Variants in MGRN1 observed in about 807,000 individuals in gnomAD.
MGRN1 encodes E3 ubiquitin-protein ligase MGRN1.
MGRN1 carries 29 observed loss-of-function variants against 69.2 expected under a neutral mutation model. That is an observed-to-expected ratio of 0.42 (90% CI 0.31 to 0.57). The LOEUF (loss-of-function observed/expected upper bound fraction) is 0.57. Among genes scored for constraint, MGRN1 ranks in the 20% least tolerant of loss-of-function variants. The probability of loss-of-function intolerance (pLI) is 0.15; values close to 1 mark genes in which losing one functional copy is unlikely to be tolerated. For synonymous variants in MGRN1, 470 were observed against 344.2 expected, an observed-to-expected ratio of 1.37 and a Z score of -4.04; for missense variants, 998 against 796.2, an observed-to-expected ratio of 1.25 and a Z score of -3.05.
intron 1 of MGRN1, among the ~76,000 whole-genome samples, chr16:4,629,126 G>A (rs1310716839): frequency 6.6e-6 from 1 of 150,376 alleles, no homozygotes; most frequent in Non-Finnish European, 1.5e-5. Context: ...GTGAGCCACT[G>A]CACCTGGCCT....
chr16:4,661,004 CA>C (rs1567205897), intron 5 of MGRN1, among the ~76,000 whole-genome samples: 1 of 152,100 alleles, frequency 6.6e-6, no homozygotes, highest in African/African-American at 2.4e-5. Flanking sequence ...TTTTTTGAGA[CA>C]GGGGCTCACT....
chr16:4,656,465 C>A (rs2078540385), intron 4 of MGRN1, among the ~76,000 whole-genome samples: 1 of 152,368 alleles, frequency 6.6e-6, no homozygotes, highest in South Asian at 2.1e-4. Flanking sequence ...CATTGTGCCT[C>A]CGCCTTCCGG....
intron 1 of MGRN1, among the ~76,000 whole-genome samples, chr16:4,625,969 AG>A (rs994877420): frequency 1.3e-5 from 2 of 152,206 alleles, no homozygotes; most frequent in African/African-American, 2.4e-5. Context: ...GGACACCCAC[AG>A]GCCAGATTTC....
chr16:4,628,764 C>T (rs1201806573), intron 1 of MGRN1, among the ~76,000 whole-genome samples: 1 of 152,170 alleles, frequency 6.6e-6, no homozygotes, highest in Non-Finnish European at 1.5e-5. Flanking sequence ...AGTCTGGTCT[C>T]GAGCTCCTGA....
At chr16:4,672,543 G>A (rs1000589303) in intron 9 of MGRN1, 1 of 439,876 alleles carries the variant, frequency 2.3e-6, no homozygotes, top group South Asian at 1.6e-5. Flanking sequence ...TTCATACCAG[G>A]GGGCGGCCCA....
At chr16:4,667,206 C>T (rs1275709284) in intron 7 of MGRN1, among the ~76,000 whole-genome samples, 1 of 152,228 alleles carries the variant, frequency 6.6e-6, no homozygotes, top group Non-Finnish European at 1.5e-5. Flanking sequence ...CAGCCGCAGC[C>T]CCTGAGAGCT....
intron 12 of MGRN1, 56 bp downstream of exon 12, chr16:4,680,153 C>T (rs1423971115): frequency 6.5e-7 from 1 of 1,545,812 alleles, no homozygotes; most frequent in East Asian, 2.3e-5. Context: ...TTTTTAAACC[C>T]ACGACAAGTA....
In MGRN1 at chr16:4,651,165, T is replaced by C. The variant is rs563165753; in HGVS notation, c.207+682T>C. 7.2e-5 allele frequency: 11 copies of C among 151,832 alleles called. No individual in the cohort carries two copies. The East Asian group carries it at 2.1e-3, about 29-fold the overall frequency. The allele number at this position is 151,832 out of a possible 1,614,324, so 9.4% of individuals were successfully genotyped here. A position where few individuals can be genotyped will look rare whatever the true frequency, so the allele number is the denominator to read the frequency against. On this transcript the variant is annotated intron_variant, in intron 2 of 16. Coordinates refer to ENST00000262370, the MANE Select transcript of MGRN1 (RefSeq NM_015246.4). ...CTAGAACAGTGGGCAAGAGACATGGTCCAAAGGAGAGATGCAGACAGCTGG... is the reference window on the plus strand; with the variant it reads ...CTAGAACAGTGGGCAAGAGACATGGCCCAAAGGAGAGATGCAGACAGCTGG...
At chr16:4,668,454 C>T (rs761111951) in intron 8 of MGRN1, 142 bp downstream of exon 8, 4 of 833,188 alleles carry the variant, frequency 4.8e-6, no homozygotes, top group Non-Finnish European at 5.7e-6. Flanking sequence ...TACACATTCA[C>T]TTGCACATAT....
chr16:4,672,254 C>G, intron 9 of MGRN1: 1 of 431,000 alleles, frequency 2.3e-6, no homozygotes, highest in Admixed American at 2.6e-5. Context: ...ACTATGTTGG[C>G]CAGGCTGGTC....
At chr16:4,655,296 G>C (rs536743957) in intron 4 of MGRN1, among the ~76,000 whole-genome samples, 14 of 152,300 alleles carry the variant, frequency 9.2e-5, no homozygotes, top group Admixed American at 7.8e-4. Flanking sequence ...TTGAAGAGAG[G>C]GTCCCGCTGC....
intron 1 of MGRN1, among the ~76,000 whole-genome samples, chr16:4,637,832 T>G (rs1410419956): frequency 6.6e-6 from 1 of 152,200 alleles, no homozygotes; most frequent in Non-Finnish European, 1.5e-5. Flanking sequence ...GTGTCCACCT[T>G]AGGGCCAACC....
chr16:4,674,611 C>T (rs371730618), intron 10 of MGRN1, among the ~76,000 whole-genome samples: 429 of 78,400 alleles, frequency 5.5e-3, no homozygotes, highest in Admixed American at 8.6e-3. Flanking sequence ...CTTTTTTTTT[C>T]TTTTCTTTTC....
At chr16:4,670,110 G>T (rs751500547) in intron 8 of MGRN1, among the ~76,000 whole-genome samples, 1 of 151,884 alleles carries the variant, frequency 6.6e-6, no homozygotes, top group African/African-American at 2.4e-5. Context: ...TGTTGCCCAG[G>T]CTGGAATGCA....
intron 6 of MGRN1, 94 bp downstream of exon 6, chr16:4,664,869 G>T: frequency 6.6e-7 from 1 of 1,521,492 alleles, no homozygotes; most frequent in African/African-American, 1.4e-5. Context: ...TGATGAAGCA[G>T]GCCAGGCATA....
At chr16:4,629,027 G>A (rs1190202188) in intron 1 of MGRN1, among the ~76,000 whole-genome samples, 1 of 151,748 alleles carries the variant, frequency 6.6e-6, no homozygotes, top group Non-Finnish European at 1.5e-5. Flanking sequence ...AGTAGACACG[G>A]GGTTTCACTA....
intron 1 of MGRN1, chr16:4,634,924 C>G (rs527673795): frequency 3.3e-5 from 5 of 152,352 alleles, no homozygotes; most frequent in African/African-American, 1.2e-4. Flanking sequence ...GGGCTCAGCA[C>G]TGGCGCCACT....
intron 16 of MGRN1, chr16:4,687,088 G>A (rs774063357): frequency 1.1e-5 from 11 of 985,264 alleles, no homozygotes; most frequent in Admixed American, 1.2e-4. Flanking sequence ...ACAGTCCCTC[G>A]TGGGCTGCCT....
intron 1 of MGRN1, among the ~76,000 whole-genome samples, chr16:4,625,442 G>T (rs995825343): frequency 1.3e-5 from 2 of 152,254 alleles, no homozygotes; most frequent in Non-Finnish European, 2.9e-5. Flanking sequence ...CACCGCGGGG[G>T]CCGGCTTTCG....
Sources: gnomAD v4.1 joint callset for allele counts (sites outside exome capture counted in the v4.1 genomes callset) on GRCh38, gnomAD v4.1.1 for gene constraint, MANE v1.5 for transcripts, NCBI Gene and HGNC (gene_info 2026-07-23, HGNC 2026-07-21) for gene names.